The following LRMDA variants were observed in gnomAD, a reference collection of about 807,000 sequenced individuals.
LRMDA encodes leucine-rich melanocyte differentiation-associated protein.
LRMDA carries 18 observed loss-of-function variants against 29.8 expected under a neutral mutation model. The ratio of observed to expected loss-of-function variants is 0.60; its 90% CI spans 0.42 to 0.90. The LOEUF is 0.90. Ranked by LOEUF, LRMDA falls within the 40% of genes least tolerant of loss-of-function variation. The pLI is 0.00. For synonymous variants in LRMDA, 125 were observed against 109.4 expected (o/e 1.14, Z -0.89); for missense variants, 273 against 273.9 (o/e 1.00, Z 0.02).
chr10:75,939,505 T>C (rs2069441861), intron 2 of LRMDA, among the ~76,000 whole-genome samples: 1 of 152,172 alleles, frequency 6.6e-6, no homozygotes, highest in Admixed American at 6.5e-5. Flanking sequence ...TGTGAAGATC[T>C]GCTAAAGGTC....
chr10:76,159,328 T>A (rs1850601071), intron 5 of LRMDA, among the ~76,000 whole-genome samples: 1 of 152,064 alleles, frequency 6.6e-6, no homozygotes, highest in South Asian at 2.1e-4. Flanking sequence ...ATTAAAATAA[T>A]GAGATACCAC....
chr10:76,527,184 A>C (rs1203756790), intron 6 of LRMDA, among the ~76,000 whole-genome samples: 1 of 151,916 alleles, frequency 6.6e-6, no homozygotes, highest in African/African-American at 2.4e-5. Flanking sequence ...ATGATTTCAT[A>C]GTGAAGGCCA....
At chr10:75,561,416 CT>C (rs1208621770) in intron 2 of LRMDA, among the ~76,000 whole-genome samples, 1 of 151,044 alleles carries the variant, frequency 6.6e-6, no homozygotes, top group Non-Finnish European at 1.5e-5. Flanking sequence ...CTATTTGATT[CT>C]TCTTTTTTTC....
intron 2 of LRMDA, among the ~76,000 whole-genome samples, chr10:75,719,078 C>T (rs1589169676): frequency 6.6e-6 from 1 of 152,042 alleles, no homozygotes; most frequent in African/African-American, 2.4e-5. Context: ...CATTAATTTC[C>T]CCAAAGATAT....
At chr10:76,373,449 T>G (rs1841479042) in intron 6 of LRMDA, among the ~76,000 whole-genome samples, 1 of 152,180 alleles carries the variant, frequency 6.6e-6, no homozygotes, top group Non-Finnish European at 1.5e-5. Flanking sequence ...CAACTCATTA[T>G]AATAGGAGTT....
intron 2 of LRMDA, among the ~76,000 whole-genome samples, chr10:75,460,007 A>G (rs1424813469): frequency 6.6e-6 from 1 of 152,230 alleles, no homozygotes; most frequent in Non-Finnish European, 1.5e-5. Context: ...CATTCAAACC[A>G]TAGCACTGGG....
At chr10:75,763,571 C>T (rs1843123536) in intron 2 of LRMDA, among the ~76,000 whole-genome samples, 1 of 152,128 alleles carries the variant, frequency 6.6e-6, no homozygotes, top group African/African-American at 2.4e-5. Flanking sequence ...TTATCAGAAT[C>T]AAGGATGATA....
At chr10:76,074,326 G>A (rs1435032126) in intron 5 of LRMDA, among the ~76,000 whole-genome samples, 1 of 152,106 alleles carries the variant, frequency 6.6e-6, no homozygotes, top group Non-Finnish European at 1.5e-5. Context: ...TTGTTTTTCG[G>A]GGGGTGGGAG....
intron 2 of LRMDA, among the ~76,000 whole-genome samples, chr10:75,966,732 T>C (rs1244850043): frequency 6.6e-6 from 1 of 152,214 alleles, no homozygotes; most frequent in Non-Finnish European, 1.5e-5. Flanking sequence ...CCTTAGAAGT[T>C]AGAGATTCTT....
At chr10:75,820,353 C>A (rs887630429) in intron 2 of LRMDA, among the ~76,000 whole-genome samples, 2 of 152,256 alleles carry the variant, frequency 1.3e-5, no homozygotes, top group African/African-American at 4.8e-5. Context: ...ACCAAAGGAA[C>A]CCTCAAAACT....
intron 6 of LRMDA, among the ~76,000 whole-genome samples, chr10:76,541,144 G>C (rs959535850): frequency 6.6e-6 from 1 of 152,104 alleles, no homozygotes; most frequent in Non-Finnish European, 1.5e-5. Flanking sequence ...GGGTATCCAG[G>C]GATCTTCTAG....
intron 6 of LRMDA, among the ~76,000 whole-genome samples, chr10:76,543,847 A>T (rs896881838): frequency 1.5e-4 from 23 of 152,236 alleles, no homozygotes; most frequent in African/African-American, 5.3e-4. Context: ...ATAAAATTTC[A>T]ATTGTATAGC....
intron 2 of LRMDA, among the ~76,000 whole-genome samples, chr10:75,453,306 G>C (rs1844480169): frequency 2.6e-5 from 4 of 152,190 alleles, no homozygotes; most frequent in Non-Finnish European, 5.9e-5. Flanking sequence ...CTAGCTGCTG[G>C]TTTCCTACAC....
intron 2 of LRMDA, among the ~76,000 whole-genome samples, chr10:75,948,254 T>C (rs1469254455): frequency 6.6e-6 from 1 of 152,158 alleles, no homozygotes; most frequent in Admixed American, 6.5e-5. Flanking sequence ...CTTCCACCCA[T>C]AGATTATCAG....
intron 6 of LRMDA, among the ~76,000 whole-genome samples, chr10:76,418,105 C>A (rs951915070): frequency 2.0e-5 from 3 of 152,030 alleles, no homozygotes; most frequent in African/African-American, 7.2e-5. Flanking sequence ...CTATCCTTGG[C>A]TCTTTGAATC....
In LRMDA at chr10:76,257,101, A is replaced by C. The variant is rs547002631; in HGVS notation, c.517-67300A>C. On this transcript the variant is annotated intron_variant, in intron 5 of 6. Coordinates refer to ENST00000611255, the MANE Select transcript of LRMDA (RefSeq NM_001305581.2). ...TACTATTTTGTCTTTGGTAAGTGCA[A>C]ATTTAAGTTTATGCATGAAGATCTC... 3.9e-5 allele frequency among the ~76,000 whole-genome samples: 6 copies of C among 152,310 alleles called. No individual in the cohort carries two copies. In the South Asian group the frequency reaches 1.0e-3, roughly 26 times the overall value.
intron 5 of LRMDA, among the ~76,000 whole-genome samples, chr10:76,110,719 A>G (rs1016588776): frequency 2.0e-5 from 3 of 152,178 alleles, no homozygotes; most frequent in Non-Finnish European, 2.9e-5. Flanking sequence ...TGCCGCTGCC[A>G]TGTAAGAAGT....
chr10:76,239,437 C>G (rs760464177), intron 5 of LRMDA, among the ~76,000 whole-genome samples: 18 of 152,188 alleles, frequency 1.2e-4, no homozygotes, highest in Non-Finnish European at 1.8e-4. Context: ...TCAAAAATAT[C>G]TTTTTGTATC....
At chr10:76,058,561 T>C in intron 4 of LRMDA, 105 bp from the exon 5 acceptor site, 1 of 925,986 alleles carries the variant, frequency 1.1e-6, no homozygotes, top group Non-Finnish European at 1.8e-6. Context: ...AGGTCTAAGT[T>C]CCAGAAGACC....
Sources: allele counts gnomAD v4.1 joint callset (sites outside exome capture counted in the v4.1 genomes callset), GRCh38; gene constraint gnomAD v4.1.1; transcripts MANE v1.5; gene names NCBI Gene and HGNC (gene_info 2026-07-23, HGNC 2026-07-21).